The following PRKN variants were observed in gnomAD, a reference collection of about 807,000 sequenced individuals.
PRKN encodes E3 ubiquitin-protein ligase parkin.
PRKN carries 56 observed loss-of-function variants against 59.5 expected under a neutral mutation model. The observed-to-expected ratio is 0.94, with a 90% CI of 0.76 to 1.18. PRKN has a LOEUF of 1.18. Ranked by LOEUF, PRKN falls within the 50% of genes most tolerant of loss-of-function variation. The pLI, the probability that PRKN is intolerant of heterozygous loss-of-function variation, is 0.00. For synonymous variants in PRKN, 250 were observed against 222.1 expected, an observed-to-expected ratio of 1.13 and a Z score of -1.12; for missense variants, 657 against 596.4, an observed-to-expected ratio of 1.10 and a Z score of -1.06.
intron 7 of PRKN, among the ~76,000 whole-genome samples, chr6:161,631,020 A>G (rs1045241031): frequency 6.6e-6 from 1 of 152,236 alleles, no homozygotes; most frequent in Non-Finnish European, 1.5e-5. Flanking sequence ...GGGTGGGGCC[A>G]CGCTTTCTAG....
At chr6:162,207,865 A>G (rs1201083812) in intron 3 of PRKN, among the ~76,000 whole-genome samples, 1 of 152,142 alleles carries the variant, frequency 6.6e-6, no homozygotes, top group African/African-American at 2.4e-5. Flanking sequence ...AAATTCTCCC[A>G]TATTTTTAAT....
intron 7 of PRKN, among the ~76,000 whole-genome samples, chr6:161,649,478 G>A (rs1481130227): frequency 6.6e-6 from 1 of 152,150 alleles, no homozygotes; most frequent in South Asian, 2.1e-4. Flanking sequence ...AAAGAAGTAC[G>A]TGTTTGATTT....
Position 161,360,142 on chromosome 6 carries a change from T to C in PRKN, c.1231A>G (p.Ile411Val). The change falls in exon 11 of 12, where the codon ATC becomes GTC. Residue 411 changes from isoleucine (I) to valine (V), a missense_variant. Transcript: ENST00000366898. This position sits in a 1 kb window ranked among gnomAD's most constrained non-coding sequence, Gnocchi z 5.1. ...GGACAGGGCTTGGTGGTTTTCTTGA[T>C]GGTTTCTTTGGAGGCTGCTTCCCAA... ...ARWEAASKET[I>V]KKTTKPCPRC... 1.9e-6 allele frequency: 3 copies of C among 1,614,200 alleles called. No individual in the cohort carries two copies. Among genetic ancestry groups the C allele is most frequent in the Non-Finnish European group, 2.5e-6 (3 of 1,180,030 alleles).
At chr6:162,457,284 A>AT (rs1371437527) in intron 1 of PRKN, among the ~76,000 whole-genome samples, 1 of 152,192 alleles carries the variant, frequency 6.6e-6, no homozygotes, top group African/African-American at 2.4e-5. Flanking sequence ...AAAAGAAACA[A>AT]TATCAAATTT....
rs562958007 is a variant in PRKN at position 161,979,986 on chromosome 6, A to G, written c.619-6569T>C. 3.9e-5 allele frequency among the ~76,000 whole-genome samples: 6 copies of G among 152,318 alleles called. No individual in the cohort carries two copies. The East Asian group carries it at 1.2e-3, about 29-fold the overall frequency. On this transcript the variant is annotated intron_variant, in intron 5 of 11. Transcript: ENST00000366898. ...ACCAAGAATCCAACTGTATAAACAC[A>G]TTTACGATCAGAAGCGAATTAGCCA...
Position 162,472,804 on chromosome 6 carries a change from T to TTATA in PRKN, c.8-29335_8-29332dup, listed in dbSNP as rs1290741228. Among the ~76,000 whole-genome samples the TTATA allele has an allele frequency of 6.4e-5, 6 of 94,068 alleles. 1 individual carries two copies. Among genetic ancestry groups the TTATA allele is most frequent in the African/African-American group, 1.4e-4 (4 of 28,806 alleles). 61.7% of individuals were successfully genotyped at this position (94,068 alleles called of 152,430 possible). A position where few individuals can be genotyped will look rare whatever the true frequency, so the allele number is the denominator to read the frequency against. ...CCGCGCCCGGCCCCAAACTTTTATT[T>TTATA]TATATATATATATCTTAGTAGAAGT... On this transcript the variant is annotated intron_variant, in intron 1 of 11. Coordinates refer to ENST00000366898, the MANE Select transcript of PRKN (RefSeq NM_004562.3).
chr6:161,392,375 C>T (rs1276235103), intron 9 of PRKN, among the ~76,000 whole-genome samples: 2 of 151,764 alleles, frequency 1.3e-5, no homozygotes, highest in Non-Finnish European at 2.9e-5. Context: ...CAGGGTGAGA[C>T]TCTGTCTCCA....
intron 10 of PRKN, among the ~76,000 whole-genome samples, chr6:161,381,956 C>CA (rs1188897025): frequency 2.6e-5 from 4 of 151,592 alleles, no homozygotes; most frequent in African/African-American, 7.3e-5. Context: ...ACCAAAAATA[C>CA]AAAAAATTAG....
intron 1 of PRKN, among the ~76,000 whole-genome samples, chr6:162,452,979 A>AT (rs1230615076): frequency 2.0e-5 from 3 of 152,200 alleles, no homozygotes; most frequent in Admixed American, 6.5e-5. Context: ...AGGCAAAACT[A>AT]TTTTGAAAAA....
In PRKN at chr6:161,722,322, A is replaced by G. The variant is rs1448634343; in HGVS notation, c.871+63450T>C. Among the ~76,000 whole-genome samples the G allele has an allele frequency of 2.0e-5, 3 of 152,326 alleles. No individual in the cohort carries two copies. In the East Asian group the frequency reaches 5.8e-4, roughly 29 times the overall value. ...TTCATAATGTATACATTATTTTACA[A>G]TATCATTGTACTTAGTATATTTCAT... On this transcript the variant is annotated intron_variant, in intron 7 of 11. Transcript: ENST00000366898.
chr6:162,445,193 T>G (rs144469986), intron 1 of PRKN, among the ~76,000 whole-genome samples: 55 of 152,286 alleles, frequency 3.6e-4, no homozygotes, highest in African/African-American at 1.3e-3. Flanking sequence ...CATATGGTTT[T>G]TCTAAGCCTC....
chr6:161,758,665 G>C (rs1000748681), intron 7 of PRKN, among the ~76,000 whole-genome samples: 7 of 152,060 alleles, frequency 4.6e-5, no homozygotes, highest in Non-Finnish European at 1.0e-4. Context: ...TGTCAATAAA[G>C]CTGTTAAAAA....
rs150819271 is a variant in PRKN at position 161,649,694 on chromosome 6, C to A, written c.872-80278G>T. Among the ~76,000 whole-genome samples, 443 of 152,260 alleles carry A rather than the reference C, an allele frequency of 2.9e-3. 2 individuals carry two copies. Among genetic ancestry groups the A allele is most frequent in the African/African-American group, 0.01 (427 of 41,564 alleles). ...TGAATTAAATGACTAAAATGCCAGACCCAAAGTATGGCCAACTGTATCTTC... is the reference window on the plus strand; with the variant it reads ...TGAATTAAATGACTAAAATGCCAGAACCAAAGTATGGCCAACTGTATCTTC... On this transcript the variant is annotated intron_variant, in intron 7 of 11. Transcript: ENST00000366898.
At chr6:162,332,931 T>G (rs1783652589) in intron 2 of PRKN, among the ~76,000 whole-genome samples, 1 of 152,168 alleles carries the variant, frequency 6.6e-6, no homozygotes, top group Non-Finnish European at 1.5e-5. Context: ...AATTTTTTCC[T>G]TCTAAAATTT....
At chr6:162,200,314 G>A (rs1000109087) in intron 4 of PRKN, among the ~76,000 whole-genome samples, 8 of 151,920 alleles carry the variant, frequency 5.3e-5, no homozygotes, top group Non-Finnish European at 7.4e-5. Context: ...ACTTTCTATC[G>A]GGGTCAGCAA....
chr6:162,030,063 C>T (rs1363191937), intron 5 of PRKN, among the ~76,000 whole-genome samples: 1 of 152,138 alleles, frequency 6.6e-6, no homozygotes, highest in Non-Finnish European at 1.5e-5. Context: ...TGTGCTAAAA[C>T]ACCTGGCTTC....
At position 161,562,987 on chromosome 6, in the gene PRKN, C is replaced by T. The variant is rs1780512010; in HGVS notation, c.933+6368G>A. Among the ~76,000 whole-genome samples the T allele has an allele frequency of 1.3e-5, 2 of 152,176 alleles. No homozygotes were observed. Among genetic ancestry groups the T allele is most frequent in the Admixed American group, 1.3e-4 (2 of 15,288 alleles). ...CCTTCATCTTTTGGCACTGTCCTTC[C>T]TGCTCAGTATTTTCCAGCCACCTTG... On this transcript the variant is annotated intron_variant, in intron 8 of 11. Coordinates refer to ENST00000366898, the MANE Select transcript of PRKN (RefSeq NM_004562.3). This position sits in a 1 kb window ranked among gnomAD's most constrained non-coding sequence, Gnocchi z 4.3.
At chr6:161,762,827 T>C (rs113413714) in intron 7 of PRKN, among the ~76,000 whole-genome samples, 1 of 152,300 alleles carries the variant, frequency 6.6e-6, no homozygotes, top group Non-Finnish European at 1.5e-5. Context: ...AGAAATTCTA[T>C]TGCCATTTTC....
chr6:162,396,612 G>A (rs1378550251), intron 2 of PRKN, among the ~76,000 whole-genome samples: 1 of 152,124 alleles, frequency 6.6e-6, no homozygotes, highest in Non-Finnish European at 1.5e-5. Context: ...CTCTGGACCC[G>A]TCGCTTGTGT....
Sources: allele counts gnomAD v4.1 joint callset (sites outside exome capture counted in the v4.1 genomes callset), GRCh38; gene constraint gnomAD v4.1.1; non-coding constraint Gnocchi (gnomAD v3.1); transcripts MANE v1.5; gene names NCBI Gene and HGNC (gene_info 2026-07-23, HGNC 2026-07-21).